Variants in DMRTC1 observed in about 807,000 individuals in gnomAD.
DMRTC1 encodes the protein doublesex- and mab-3-related transcription factor C1.
For missense variants in DMRTC1, 9 were observed against 34.6 expected (o/e 0.26, Z 1.86); for synonymous variants, 7 against 14.1 (o/e 0.50, Z 1.13).
At chrX:72,876,854 T>TC (rs1335463790) in intron 1 of DMRTC1, among the ~76,000 whole-genome samples, 52 of 63,628 alleles carry the variant, frequency 8.2e-4, no homozygotes, top group African/African-American at 3.0e-3. Flanking sequence ...CCTTCATGCA[T>TC]CCCCCCCGGC....
intron 1 of DMRTC1, among the ~76,000 whole-genome samples, chrX:72,905,663 G>A (rs868919421): frequency 7.3e-4 from 44 of 59,977 alleles, no homozygotes; most frequent in Admixed American, 1.4e-3. Context: ...GCCCACGCCC[G>A]GCTAATTTTT....
At chrX:72,879,745 T>TTC (rs1185722535) in intron 1 of DMRTC1, among the ~76,000 whole-genome samples, 1 of 114,517 alleles carries the variant, frequency 8.7e-6, no homozygotes, top group Non-Finnish European at 1.9e-5. Context: ...CTTTCTTTCT[T>TTC]TCTTTCTTAC....
chrX:72,874,715 CCA>C, intron 4 of DMRTC1, 108 bp downstream of exon 4: 1 of 278,141 alleles, frequency 3.6e-6, no homozygotes, highest in Non-Finnish European at 5.4e-6. Context: ...TCCTCCCCCT[CCA>C]CCACCTCCTC....
rs2054771960 is a variant in DMRTC1 at position 72,872,340 on chromosome X, C to G, written c.*112G>C. The G allele has an allele frequency of 2.4e-6, 1 of 419,829 alleles. No individual in the cohort carries two copies. 34.6% of individuals were successfully genotyped at this position (419,829 alleles called of 1,213,427 possible). A position where few individuals can be genotyped will look rare whatever the true frequency, so the allele number is the denominator to read the frequency against. On this transcript the variant is annotated 3_prime_UTR_variant, in exon 7 of 7. Transcript: ENST00000615063. ...CATATAATAAAAAGCTTATAAAACACCTGAAGGCTTTAAAAAAAGACGTTA... is the reference window on the plus strand; with the variant it reads ...CATATAATAAAAAGCTTATAAAACAGCTGAAGGCTTTAAAAAAAGACGTTA...
rs1236199422 is a variant in DMRTC1, at chrX:72,905,997, C to A, written c.-94-30209G>T. Among the ~76,000 whole-genome samples, 171 of 100,940 alleles carry A rather than the reference C, an allele frequency of 1.7e-3. 1 individual carries two copies. Among genetic ancestry groups the A allele is most frequent in the African/African-American group, 6.2e-3 (163 of 26,414 alleles). 87.7% of individuals were successfully genotyped at this position (100,940 alleles called of 115,157 possible). On this transcript the variant is annotated intron_variant, in intron 1 of 6. Coordinates refer to ENST00000615063, the MANE Select transcript of DMRTC1 (RefSeq NM_033053.3). ...CAAAATTAACAAACCTTTAGCCAGA[C>A]TAAATGAGAAGAAAAGAGAGAAGAA...
intron 1 of DMRTC1, among the ~76,000 whole-genome samples, chrX:72,879,656 A>G (rs1301575644): frequency 1.9e-5 from 2 of 107,682 alleles, no homozygotes; most frequent in African/African-American, 6.7e-5. Context: ...ACCTTCAGCC[A>G]AGTTTAACTT....
chrX:72,916,620 T>A (rs1427787309), intron 1 of DMRTC1, among the ~76,000 whole-genome samples: 1 of 69,828 alleles, frequency 1.4e-5, no homozygotes, highest in African/African-American at 9.0e-5. Flanking sequence ...CCTCCTCCAG[T>A]GCTCCCCATG....
chrX:72,879,634 GT>G (rs1342853113), intron 1 of DMRTC1, among the ~76,000 whole-genome samples: 1 of 99,346 alleles, frequency 1.0e-5, no homozygotes, highest in African/African-American at 3.7e-5. Flanking sequence ...AACTTCCCAG[GT>G]TTTTTCCAAA....
intron 1 of DMRTC1, among the ~76,000 whole-genome samples, chrX:72,887,300 T>G (rs1270191283): frequency 1.4e-4 from 2 of 14,059 alleles, no homozygotes; most frequent in African/African-American, 7.3e-4. Flanking sequence ...GGTTTTCTGT[T>G]CCTGTGTTAG....
chrX:72,872,276 G>A lies in DMRTC1; in HGVS notation c.*176C>T, dbSNP rs2054771588. 1 of 300,335 alleles carries A rather than the reference G, an allele frequency of 3.3e-6. No individual in the cohort carries two copies. Among genetic ancestry groups the A allele is most frequent in the African/African-American group, 8.4e-5 (1 of 11,918 alleles). The allele number at this position is 300,335 out of a possible 1,213,427, so 24.8% of individuals were successfully genotyped here. A position where few individuals can be genotyped will look rare whatever the true frequency, so the allele number is the denominator to read the frequency against. ...CCAGCATCCAAAAGAGTAAGGGACA[G>A]AGGTACAAGAATATCCACCCTCAGC... is the stretch of plus-strand genomic sequence containing the variant. On this transcript the variant is annotated 3_prime_UTR_variant, in exon 7 of 7. Coordinates refer to ENST00000615063, the MANE Select transcript of DMRTC1 (RefSeq NM_033053.3).
intron 6 of DMRTC1, 86 bp from the exon 7 acceptor site, chrX:72,872,650 A>C: frequency 8.6e-7 from 1 of 1,164,047 alleles, no homozygotes; most frequent in Non-Finnish European, 1.1e-6. Context: ...CGCCCAACCA[A>C]AGATTTGTCA....
rs368727427 is a variant in DMRTC1, at chrX:72,872,538, G to A, written c.493C>T (p.Pro165Ser). The change falls in exon 7 of 7, where the codon CCT becomes TCT. Residue 165 changes from proline (P) to serine (S), a missense_variant. Pro to Ser is a moderately conservative substitution (Grantham distance 74). Transcript: ENST00000615063. ...CTGGGGCGGAGAGAGGGGCTGGGAG[G>A]CTGGAATCCTTTATCTCCAGCAGGA... is the stretch of plus-strand genomic sequence containing the variant. ...PAPAGDKGFQ[P>S]PSPSLRPRPA... The A allele has an allele frequency of 9.6e-4, 1,040 of 1,080,405 alleles. No individual in the cohort carries two copies. The highest frequency in any genetic ancestry group is 1.1e-3 in the Non-Finnish European group (936 of 823,273). 89.0% of individuals were successfully genotyped at this position (1,080,405 alleles called of 1,213,427 possible).
At chrX:72,886,958 G>A (rs1238881579) in intron 1 of DMRTC1, among the ~76,000 whole-genome samples, 1 of 106,300 alleles carries the variant, frequency 9.4e-6, no homozygotes, top group East Asian at 2.8e-4. Context: ...CACATCCTTG[G>A]TCACATTTAT....
chrX:72,881,703 CCAAA>C (rs1363332028), intron 1 of DMRTC1, among the ~76,000 whole-genome samples: 2 of 58,164 alleles, frequency 3.4e-5, no homozygotes, highest in Non-Finnish European at 6.7e-5. Context: ...AACAGTACCC[CCAAA>C]CAATTTTTTA....
chrX:72,913,534 G>C (rs1456412331), intron 1 of DMRTC1: 5 of 388,827 alleles, frequency 1.3e-5, no homozygotes, highest in East Asian at 1.2e-4. Context: ...TGCCCTCCTC[G>C]AGGCAGCGCT....
chrX:72,882,080 G>C (rs1202040684), intron 1 of DMRTC1, among the ~76,000 whole-genome samples: 1 of 85,816 alleles, frequency 1.2e-5, no homozygotes, highest in African/African-American at 4.3e-5. Context: ...TTTACCTCTT[G>C]GCCTTAGTAT....
rs868942862 is a variant in DMRTC1, at chrX:72,880,659, T to G, written c.-94-4871A>C. Among the ~76,000 whole-genome samples the G allele has an allele frequency of 9.8e-4, 13 of 13,223 alleles. No individual in the cohort carries two copies. In the East Asian group the frequency reaches 0.014, roughly 14 times the overall value. 11.5% of individuals were successfully genotyped at this position (13,223 alleles called of 115,157 possible). A position where few individuals can be genotyped will look rare whatever the true frequency, so the allele number is the denominator to read the frequency against. ...TTGCTTTGCTTTGCTTTGCTTTTTC[T>G]CTTTGCTTTGCTTTGCTTTTTCTCT... is the stretch of plus-strand genomic sequence containing the variant. On this transcript the variant is annotated intron_variant, in intron 1 of 6. Transcript: ENST00000615063.
chrX:72,879,836 TC>T (rs2054838934), intron 1 of DMRTC1, among the ~76,000 whole-genome samples: 1 of 52,203 alleles, frequency 1.9e-5, no homozygotes, highest in East Asian at 5.0e-3. Context: ...CTCCCACCCT[TC>T]CTTCCTTCCT....
At chrX:72,886,607 G>A (rs1425396616) in intron 1 of DMRTC1, among the ~76,000 whole-genome samples, 1 of 11,840 alleles carries the variant, frequency 8.4e-5, no homozygotes, top group Non-Finnish European at 1.5e-4. Context: ...ACAATATCAC[G>A]GTGTCTTGGT....
Sources: allele counts gnomAD v4.1 joint callset (sites outside exome capture counted in the v4.1 genomes callset), GRCh38; gene constraint gnomAD v4.1.1; transcripts MANE v1.5; gene names NCBI Gene and HGNC (gene_info 2026-07-23, HGNC 2026-07-21).